RABGAP1L: variants seen among roughly 807,000 people sequenced by gnomAD.
RABGAP1L encodes the protein RAB GTPase activating protein 1 like.
RABGAP1L carries 63 observed loss-of-function variants against 137.7 expected under a neutral mutation model. That is an observed-to-expected ratio of 0.46 (90% confidence interval 0.37 to 0.56). The LOEUF (loss-of-function observed/expected upper bound fraction) is 0.56, where lower values mean the gene tolerates loss of function less well. Among genes scored for constraint, RABGAP1L ranks in the 20% least tolerant of loss-of-function variants. The probability of loss-of-function intolerance (pLI) is 0.00; values close to 1 mark genes in which losing one functional copy is unlikely to be tolerated. For synonymous variants in RABGAP1L, 431 were observed against 433.7 expected (o/e 0.99, Z 0.08); for missense variants, 1,095 against 1,244.0 (o/e 0.88, Z 1.80).
At chr1:174,380,805 T>A (rs373769736) in intron 12 of RABGAP1L, among the ~76,000 whole-genome samples, 1 of 111,278 alleles carries the variant, frequency 9.0e-6, no homozygotes, top group Admixed American at 9.7e-5. Flanking sequence ...CTGCTCTGAT[T>A]TTAGTTATTT....
intron 11 of RABGAP1L, among the ~76,000 whole-genome samples, chr1:174,318,826 C>T (rs1029888500): frequency 3.3e-5 from 5 of 151,814 alleles, no homozygotes; most frequent in African/African-American, 1.2e-4. Context: ...AACCTGCCAA[C>T]AGCTTAACTA....
chr1:174,924,456 T>C (rs1662373346), intron 19 of RABGAP1L, among the ~76,000 whole-genome samples: 1 of 149,636 alleles, frequency 6.7e-6, no homozygotes, highest in Non-Finnish European at 1.5e-5. Context: ...AAAGAGCATC[T>C]CTTACTGCAG....
intron 14 of RABGAP1L, among the ~76,000 whole-genome samples, chr1:174,673,503 G>A (rs1677341683): frequency 6.6e-6 from 1 of 152,122 alleles, no homozygotes; most frequent in Non-Finnish European, 1.5e-5. Context: ...CCTGAGATGA[G>A]CTATTTTCTA....
chr1:174,938,476 T>G (rs972767899), intron 19 of RABGAP1L: 2 of 152,190 alleles, frequency 1.3e-5, no homozygotes, highest in Non-Finnish European at 2.9e-5. Flanking sequence ...ACAGAGTGAG[T>G]TGATGAGGGT....
intron 18 of RABGAP1L, among the ~76,000 whole-genome samples, chr1:174,763,386 C>T (rs1236342477): frequency 1.3e-5 from 2 of 149,790 alleles, no homozygotes; most frequent in African/African-American, 4.9e-5. Flanking sequence ...CGCGGTGGCT[C>T]ACGCCTGTAA....
At chr1:174,455,873 T>C (rs1215174420) in intron 13 of RABGAP1L, among the ~76,000 whole-genome samples, 2 of 152,060 alleles carry the variant, frequency 1.3e-5, no homozygotes, top group African/African-American at 4.8e-5. Context: ...CATATAGGAA[T>C]CTGAGATAAG....
At chr1:174,969,512 C>T in intron 21 of RABGAP1L, 125 bp downstream of exon 21, 1 of 709,920 alleles carries the variant, frequency 1.4e-6, no homozygotes, top group Non-Finnish European at 2.4e-6. Context: ...GTGGCAGGGA[C>T]AGTCTGTTAA....
chr1:174,600,123 G>A (rs1018512516), intron 13 of RABGAP1L, among the ~76,000 whole-genome samples: 1 of 152,166 alleles, frequency 6.6e-6, no homozygotes, highest in Admixed American at 6.5e-5. Flanking sequence ...TGAGAAAGAA[G>A]CAAAAGCAGA....
intron 19 of RABGAP1L, among the ~76,000 whole-genome samples, chr1:174,892,896 A>ATTTTTTTTTTTTT (rs748971722): frequency 1.0e-3 from 92 of 91,868 alleles, no homozygotes; most frequent in Non-Finnish European, 1.3e-3. Flanking sequence ...CACCCAGCTA[A>ATTTTTTTTTTTTT]TTTTTTTTTT....
chr1:174,814,700 CTT>C (rs370445261), intron 19 of RABGAP1L, among the ~76,000 whole-genome samples: 5 of 145,564 alleles, frequency 3.4e-5, no homozygotes, highest in Non-Finnish European at 6.1e-5. Flanking sequence ...ATTGTATTTC[CTT>C]TTTTTTTTTT....
intron 13 of RABGAP1L, among the ~76,000 whole-genome samples, chr1:174,621,982 A>T (rs1200818810): frequency 3.3e-5 from 5 of 151,452 alleles, no homozygotes; most frequent in Non-Finnish European, 7.3e-5. Flanking sequence ...TCCAGAATCT[A>T]CAATGAACTC....
At chr1:174,662,102 C>CTTTTTTTTTTTTTTTTTT (rs749496325) in intron 14 of RABGAP1L, among the ~76,000 whole-genome samples, 1 of 90,272 alleles carries the variant, frequency 1.1e-5, no homozygotes, top group Non-Finnish European at 2.0e-5. Context: ...CTTTTCTTTT[C>CTTTTTTTTTTTTTTTTTT]TTTTTTTTTT....
chr1:174,800,994 A>C (rs1195290109), intron 18 of RABGAP1L, among the ~76,000 whole-genome samples: 5 of 152,124 alleles, frequency 3.3e-5, no homozygotes, highest in Non-Finnish European at 1.5e-5. Context: ...TTTGGTAGGA[A>C]ATTTTAGGTT....
rs553671245 is a variant in RABGAP1L, at chr1:174,674,640, C to G, written c.1825-8882C>G. 1.6e-3 allele frequency among the ~76,000 whole-genome samples: 236 copies of G among 150,888 alleles called. 2 individuals carry two copies. The highest frequency in any genetic ancestry group is 6.5e-3 in the South Asian group (30 of 4,650). On this transcript the variant is annotated intron_variant, in intron 14 of 25. Coordinates refer to ENST00000681986, the MANE Select transcript of RABGAP1L (RefSeq NM_001366446.1). Reference sequence around the variant, plus strand: ...GCTGGGTCAAATGGTATTTCTAGTTCTAGATCCCTGAGGAATCGCCACACT... The same window carrying G: ...GCTGGGTCAAATGGTATTTCTAGTTGTAGATCCCTGAGGAATCGCCACACT...
chr1:174,553,430 T>A (rs934015659), intron 13 of RABGAP1L, among the ~76,000 whole-genome samples: 1 of 152,188 alleles, frequency 6.6e-6, no homozygotes, highest in African/African-American at 2.4e-5. Context: ...GCATCCAGTA[T>A]CAATCTTGTG....
chr1:174,656,795 A>T (rs1557957143), intron 14 of RABGAP1L, among the ~76,000 whole-genome samples: 1 of 152,188 alleles, frequency 6.6e-6, no homozygotes, highest in Admixed American at 6.5e-5. Context: ...CTAATGATTG[A>T]ATAGACATGT....
At chr1:174,752,689 A>G (rs1684435060) in intron 18 of RABGAP1L, among the ~76,000 whole-genome samples, 1 of 152,010 alleles carries the variant, frequency 6.6e-6, no homozygotes, top group African/African-American at 2.4e-5. Context: ...CTTTTTTCTT[A>G]AAACACTTTT....
At chr1:174,354,108 A>G (rs966115172) in intron 11 of RABGAP1L, among the ~76,000 whole-genome samples, 1 of 152,158 alleles carries the variant, frequency 6.6e-6, no homozygotes, top group Non-Finnish European at 1.5e-5. Flanking sequence ...GGTTGAAGAC[A>G]GTGATCTGCC....
intron 13 of RABGAP1L, among the ~76,000 whole-genome samples, chr1:174,531,680 C>T (rs1218299905): frequency 7.1e-6 from 1 of 140,158 alleles, no homozygotes; most frequent in Admixed American, 8.3e-5. Flanking sequence ...CTGTAGTGTG[C>T]TTTAATCACA....
Sources: gnomAD v4.1 joint callset for allele counts (sites outside exome capture counted in the v4.1 genomes callset) on GRCh38, gnomAD v4.1.1 for gene constraint, MANE v1.5 for transcripts, NCBI Gene and HGNC (gene_info 2026-07-23, HGNC 2026-07-21) for gene names.